The following STK32A variants were observed in gnomAD, a reference collection of about 807,000 sequenced individuals.
The protein encoded by STK32A is serine/threonine-protein kinase 32A.
In STK32A, 41 loss-of-function variants were observed where a neutral mutation model predicts 53.2. The ratio of observed to expected loss-of-function variants is 0.77; its 90% CI spans 0.60 to 1.00. STK32A has a LOEUF of 1.00. Among genes scored for constraint, STK32A ranks in the 50% least tolerant of loss-of-function variants. The pLI is 0.00. For missense variants in STK32A, 458 were observed against 485.8 expected (o/e 0.94, Z 0.54); for synonymous variants, 166 against 162.8 (o/e 1.02, Z -0.15).
chr5:147,399,334 C>T, the STK32A span: 2 of 1,447,466 alleles, frequency 1.4e-6, no homozygotes, highest in South Asian at 1.4e-5. Flanking sequence ...AGAAAGACAA[C>T]CCACAAAGGC....
chr5:147,343,248 A>T lies in STK32A; in HGVS notation c.472+205A>T, dbSNP rs147647218. On this transcript the variant is annotated intron_variant, in intron 6 of 12. Coordinates refer to ENST00000397936, the MANE Select transcript of STK32A (RefSeq NM_001112724.2). ...ACAATACACCCTTAAATCACATTGA[A>T]TTTACCTAATGAGAAAATCATAGTC... The T allele has an allele frequency of 1.9e-3, 1,430 of 745,586 alleles. 22 individuals are homozygous for T. The African/African-American group carries it at 0.022, about 11-fold the overall frequency. The allele number at this position is 745,586 out of a possible 1,614,324, so 46.2% of individuals were successfully genotyped here.
At chr5:147,328,583 T>A (rs1754714249) in intron 5 of STK32A, among the ~76,000 whole-genome samples, 1 of 152,212 alleles carries the variant, frequency 6.6e-6, no homozygotes, top group Admixed American at 6.5e-5. Context: ...GAAAATCAGC[T>A]TTAGTTTCCA....
intron 8 of STK32A, among the ~76,000 whole-genome samples, chr5:147,364,391 C>T (rs1388927325): frequency 6.6e-6 from 1 of 152,144 alleles, no homozygotes; most frequent in African/African-American, 2.4e-5. Flanking sequence ...TGTCAGACCT[C>T]ACCAGAATCA....
chr5:147,395,232 C>T, the STK32A span, among the ~76,000 whole-genome samples: 17 of 152,334 alleles, frequency 1.1e-4, no homozygotes, highest in African/African-American at 4.1e-4. Flanking sequence ...GCATAGCGCT[C>T]ATAGGCTAAT....
At chr5:147,320,477 C>G (rs967023984) in intron 4 of STK32A, among the ~76,000 whole-genome samples, 4 of 152,128 alleles carry the variant, frequency 2.6e-5, no homozygotes, top group African/African-American at 9.7e-5. Context: ...CTATTGCTAT[C>G]TGTTCAATCT....
chr5:147,256,243 TG>T (rs1428490668), intron 2 of STK32A, among the ~76,000 whole-genome samples: 1 of 152,164 alleles, frequency 6.6e-6, no homozygotes, highest in Non-Finnish European at 1.5e-5. Flanking sequence ...GAACTAGTGT[TG>T]GGAGACAGAA....
chr5:147,262,398 A>G (rs535095095), intron 2 of STK32A, among the ~76,000 whole-genome samples: 8 of 150,346 alleles, frequency 5.3e-5, no homozygotes, highest in African/African-American at 1.7e-4. Context: ...TCACAAAGCC[A>G]GTGAATGATA....
chr5:147,244,546 G>T (rs1753706206), intron 2 of STK32A, among the ~76,000 whole-genome samples: 1 of 152,198 alleles, frequency 6.6e-6, no homozygotes, highest in African/African-American at 2.4e-5. Flanking sequence ...ACAGGTTCAA[G>T]TCTCAGCTGT....
chr5:147,395,676 C>T, the STK32A span: 1 of 1,614,178 alleles, frequency 6.2e-7, no homozygotes, highest in Non-Finnish European at 8.5e-7. Context: ...AGGTCAAACA[C>T]AGGCCCATCG....
chr5:147,393,915 C>A, the STK32A span: 2 of 974,340 alleles, frequency 2.1e-6, no homozygotes, highest in African/African-American at 1.6e-5. Flanking sequence ...AGGCTTGAGG[C>A]TTATTGATTC....
chr5:147,329,048 TTAGAG>T (rs1754735439), intron 5 of STK32A, among the ~76,000 whole-genome samples: 4 of 152,260 alleles, frequency 2.6e-5, no homozygotes, highest in African/African-American at 9.6e-5. Flanking sequence ...AAAAATCTGA[TTAGAG>T]TAATTTGTGC....
intron 4 of STK32A, among the ~76,000 whole-genome samples, chr5:147,314,997 A>G (rs1188486589): frequency 4.6e-5 from 7 of 152,052 alleles, no homozygotes; most frequent in African/African-American, 1.7e-4. Flanking sequence ...TTTCTGCCTC[A>G]GCCCCCCAAA....
At chr5:147,282,609 C>G (rs1036531013) in intron 4 of STK32A, among the ~76,000 whole-genome samples, 3 of 152,026 alleles carry the variant, frequency 2.0e-5, no homozygotes, top group African/African-American at 7.2e-5. Context: ...GAATTTCATG[C>G]AAATGGACAC....
chr5:147,273,551 G>T (rs1755135306), intron 2 of STK32A, among the ~76,000 whole-genome samples: 1 of 152,180 alleles, frequency 6.6e-6, no homozygotes, highest in South Asian at 2.1e-4. Flanking sequence ...TATCCACATA[G>T]TTGGTCTTAA....
Position 147,386,169 on chromosome 5 carries a change from C to T in STK32A, c.*2186C>T, listed in dbSNP as rs1333257650. ...GTTTGATTCCTTTTCCCTACAGTTC[C>T]CACATCATTTGTCTGTGCTATTCTG... On this transcript the variant is annotated 3_prime_UTR_variant, in exon 13 of 13. Coordinates refer to ENST00000397936, the MANE Select transcript of STK32A (RefSeq NM_001112724.2). The T allele has an allele frequency of 6.6e-6, 1 of 152,202 alleles. No individual in the cohort carries two copies. The highest frequency in any genetic ancestry group is 6.5e-5 in the Admixed American group (1 of 15,272). 9.4% of individuals were successfully genotyped at this position (152,202 alleles called of 1,614,324 possible). A position where few individuals can be genotyped will look rare whatever the true frequency, so the allele number is the denominator to read the frequency against.
intron 6 of STK32A, among the ~76,000 whole-genome samples, chr5:147,349,025 C>T (rs1320437396): frequency 1.3e-5 from 2 of 152,140 alleles, no homozygotes; most frequent in Non-Finnish European, 2.9e-5. Context: ...CCACAGTCTC[C>T]AGACTCACCT....
chr5:147,299,463 T>A (rs111746678), intron 4 of STK32A, among the ~76,000 whole-genome samples: 10,733 of 151,998 alleles, frequency 0.071, 497 homozygotes, highest in Admixed American at 0.13. Context: ...GCTCAGTAGG[T>A]TTCAGCCTCA....
intron 4 of STK32A, 77 bp from the exon 5 acceptor site, chr5:147,323,821 G>A (rs1245460063): frequency 7.9e-7 from 1 of 1,273,674 alleles, no homozygotes; most frequent in Middle Eastern, 2.7e-4. Flanking sequence ...GCTCTGATCT[G>A]TAGGGTCTCA....
chr5:147,346,283 T>C (rs1223992874), intron 6 of STK32A, among the ~76,000 whole-genome samples: 1 of 152,136 alleles, frequency 6.6e-6, no homozygotes, highest in Non-Finnish European at 1.5e-5. Context: ...TAATATTTCA[T>C]CCCTGATGGG....
Sources: gnomAD v4.1 joint callset for allele counts (sites outside exome capture counted in the v4.1 genomes callset) on GRCh38, gnomAD v4.1.1 for gene constraint, MANE v1.5 for transcripts, NCBI Gene and HGNC (gene_info 2026-07-23, HGNC 2026-07-21) for gene names.